Variants in PPP1R9A observed in about 807,000 individuals in gnomAD.
PPP1R9A encodes the protein protein phosphatase 1 regulatory subunit 9A.
Under a neutral mutation model 141.9 loss-of-function variants are expected in PPP1R9A, and 59 were observed. That is an observed-to-expected ratio of 0.42 (90% CI 0.34 to 0.52). PPP1R9A has a LOEUF of 0.52. Among genes scored for constraint, PPP1R9A ranks in the 20% least tolerant of loss-of-function variants. The probability of loss-of-function intolerance (pLI) is 0.10; values close to 1 mark genes in which losing one functional copy is unlikely to be tolerated. For synonymous variants in PPP1R9A, 500 were observed against 569.7 expected, an observed-to-expected ratio of 0.88 and a Z score of 1.74; for missense variants, 1,444 against 1,611.9, an observed-to-expected ratio of 0.90 and a Z score of 1.78.
chr7:95,194,776 CCT>C (rs895674377), intron 5 of PPP1R9A, among the ~76,000 whole-genome samples: 3 of 148,150 alleles, frequency 2.0e-5, no homozygotes, highest in African/African-American at 5.0e-5. Flanking sequence ...TTTTTTAAGA[CCT>C]ATATACTGAA....
At chr7:95,149,040 T>C (rs1409564779) in intron 4 of PPP1R9A, among the ~76,000 whole-genome samples, 1 of 151,014 alleles carries the variant, frequency 6.6e-6, no homozygotes, top group African/African-American at 2.4e-5. Context: ...ATAAAAGGAA[T>C]TATATACAGA....
chr7:95,022,544 T>G (rs1206641961), intron 2 of PPP1R9A, among the ~76,000 whole-genome samples: 2 of 152,170 alleles, frequency 1.3e-5, no homozygotes, highest in Non-Finnish European at 2.9e-5. Flanking sequence ...AGAGGGCATC[T>G]TTGTCTTGTG....
rs149031852 is a variant in PPP1R9A, at chr7:95,268,331, C to T, written c.2666-219C>T. ...CTTTTCGGATGTTGGATTTTTATAGCGCCTTCATCATCTTTAGTGTTGGTT... is the reference window on the plus strand; with the variant it reads ...CTTTTCGGATGTTGGATTTTTATAGTGCCTTCATCATCTTTAGTGTTGGTT... On this transcript the variant is annotated intron_variant, in intron 12 of 19. Transcript: ENST00000433360. 3.3e-3 allele frequency among the ~76,000 whole-genome samples: 503 copies of T among 152,060 alleles called. 2 individuals carry two copies. Among genetic ancestry groups the T allele is most frequent in the African/African-American group, 0.012 (478 of 41,494 alleles).
intron 2 of PPP1R9A, among the ~76,000 whole-genome samples, chr7:94,912,804 A>T (rs1274717147): frequency 6.6e-6 from 1 of 152,182 alleles, no homozygotes; most frequent in African/African-American, 2.4e-5. Flanking sequence ...CTGTAGTTTA[A>T]AATAAACTAC....
chr7:95,205,874 T>C lies in PPP1R9A; in HGVS notation c.1956+2144T>C, dbSNP rs1451686849. ...CAGGTTTCAATGGGCTTTTGCTTGC[T>C]ACAGCATTTTAATTGTCTTGAGAGT... On this transcript the variant is annotated intron_variant, in intron 7 of 19. Coordinates refer to ENST00000433360, the MANE Select transcript of PPP1R9A (RefSeq NM_001166160.2). Among the ~76,000 whole-genome samples the C allele has an allele frequency of 3.3e-5, 5 of 152,326 alleles. 1 individual carries two copies. The highest frequency in any genetic ancestry group is 1.2e-4 in the African/African-American group (5 of 41,578).
chr7:95,008,170 T>C (rs144762530), intron 2 of PPP1R9A, among the ~76,000 whole-genome samples: 231 of 152,262 alleles, frequency 1.5e-3, no homozygotes, highest in Non-Finnish European at 2.6e-3. Context: ...AGAAACAAAT[T>C]ACATGATAAA....
intron 4 of PPP1R9A, among the ~76,000 whole-genome samples, chr7:95,122,497 T>A (rs1822819558): frequency 6.6e-6 from 1 of 152,088 alleles, no homozygotes; most frequent in Non-Finnish European, 1.5e-5. Flanking sequence ...CACAGATAGT[T>A]CTCAAAGAGA....
intron 2 of PPP1R9A, among the ~76,000 whole-genome samples, chr7:94,937,635 A>G (rs771505743): frequency 2.0e-5 from 3 of 152,194 alleles, no homozygotes; most frequent in Non-Finnish European, 4.4e-5. Context: ...TTACAGAATA[A>G]ATGTTTTCCA....
At chr7:95,047,584 C>G (rs970499625) in intron 2 of PPP1R9A, among the ~76,000 whole-genome samples, 2 of 152,166 alleles carry the variant, frequency 1.3e-5, no homozygotes, top group African/African-American at 2.4e-5. Context: ...TTTGAGTACA[C>G]TTTTTGTCAG....
intron 16 of PPP1R9A, among the ~76,000 whole-genome samples, chr7:95,274,422 C>G (rs1382944332): frequency 1.3e-5 from 2 of 152,178 alleles, no homozygotes; most frequent in East Asian, 1.9e-4. Context: ...AAGTGTTTAT[C>G]TAAATTCAGC....
At chr7:95,125,340 C>T (rs938891256) in intron 4 of PPP1R9A, among the ~76,000 whole-genome samples, 3 of 152,074 alleles carry the variant, frequency 2.0e-5, no homozygotes, top group African/African-American at 4.8e-5. Context: ...TGGTTTTGTG[C>T]TACCTTCCTT....
chr7:94,950,388 A>G (rs186015171), intron 2 of PPP1R9A, among the ~76,000 whole-genome samples: 48 of 152,048 alleles, frequency 3.2e-4, no homozygotes, highest in African/African-American at 9.9e-4. Context: ...GATTTTGTCA[A>G]TTTTTATAGT....
chr7:95,190,796 A>T (rs1283710526), intron 5 of PPP1R9A, among the ~76,000 whole-genome samples: 1 of 152,178 alleles, frequency 6.6e-6, no homozygotes. Flanking sequence ...TCCTGGATTA[A>T]AAGTCCACAT....
chr7:94,907,901 C>G (rs997882494), intron 1 of PPP1R9A, 199 bp downstream of exon 1: 2 of 147,668 alleles, frequency 1.4e-5, no homozygotes, highest in Non-Finnish European at 3.0e-5. Context: ...CGTTGGGGAG[C>G]GCAGCGCGCC....
intron 2 of PPP1R9A, among the ~76,000 whole-genome samples, chr7:95,090,426 C>T (rs1817190047): frequency 6.6e-6 from 1 of 151,662 alleles, no homozygotes. Flanking sequence ...AGACTTATGC[C>T]CATTGATCAT....
chr7:95,071,055 A>G (rs1197140559), intron 2 of PPP1R9A, among the ~76,000 whole-genome samples: 1 of 152,012 alleles, frequency 6.6e-6, no homozygotes, highest in South Asian at 2.1e-4. Context: ...GTAGTTTTCA[A>G]TTGTGACTAT....
At chr7:94,929,204 A>G (rs928860772) in intron 2 of PPP1R9A, among the ~76,000 whole-genome samples, 1 of 152,238 alleles carries the variant, frequency 6.6e-6, no homozygotes, top group African/African-American at 2.4e-5. Context: ...TAAGCTAGGC[A>G]GTATGCTAAT....
At position 94,909,890 on chromosome 7, in the gene PPP1R9A, T is replaced by C. The variant is rs762971538; in HGVS notation, c.-216-8T>C. 2.5e-6 allele frequency: 1 copy of C among 396,466 alleles called. No individual in the cohort carries two copies. The highest frequency in any genetic ancestry group is 4.5e-6 in the Non-Finnish European group (1 of 222,110). The allele number at this position is 396,466 out of a possible 1,614,324, so 24.6% of individuals were successfully genotyped here. A position where few individuals can be genotyped will look rare whatever the true frequency, so the allele number is the denominator to read the frequency against. ...ATGAATTCAGAAATTCATTCTTTTC[T>C]ATTGCAGATGAACCTCTAGTCTTGC... On this transcript the variant is annotated splice_region_variant and splice_polypyrimidine_tract_variant and intron_variant, in intron 1 of 19. Transcript: ENST00000433360.
rs183454910 is a variant in PPP1R9A at position 94,977,768 on chromosome 7, T to C, written c.1395+66260T>C. On this transcript the variant is annotated intron_variant, in intron 2 of 19. Coordinates refer to ENST00000433360, the MANE Select transcript of PPP1R9A (RefSeq NM_001166160.2). ...CTTGGTCTTCTTTTTCATTTTCTTT[T>C]TTTTTTTTTTTTGAAATGGAATCTT... Among the ~76,000 whole-genome samples, 516 of 149,778 alleles carry C rather than the reference T, an allele frequency of 3.4e-3. 5 individuals are homozygous for C. The highest frequency in any genetic ancestry group is 0.012 in the African/African-American group (491 of 41,024).
Sources: gnomAD v4.1 joint callset for allele counts (sites outside exome capture counted in the v4.1 genomes callset) on GRCh38, gnomAD v4.1.1 for gene constraint, MANE v1.5 for transcripts, NCBI Gene and HGNC (gene_info 2026-07-23, HGNC 2026-07-21) for gene names.